The following GPR39 variants were observed in gnomAD, a reference collection of about 807,000 sequenced individuals.
GPR39 encodes the protein G protein-coupled receptor 39.
GPR39 carries 23 observed loss-of-function variants against 18.4 expected under a neutral mutation model. The observed-to-expected ratio is 1.25, with a 90% CI of 0.90 to 1.77. The LOEUF is 1.77. Ranked by LOEUF, GPR39 falls within the 40% of genes most tolerant of loss-of-function variation. GPR39 has a pLI of 0.00. For missense variants in GPR39, 647 were observed against 602.4 expected (o/e 1.07, Z -0.78); for synonymous variants, 280 against 257.9 (o/e 1.09, Z -0.82).
chr2:132,558,584 T>C (rs576800757), intron 1 of GPR39, among the ~76,000 whole-genome samples: 2 of 152,286 alleles, frequency 1.3e-5, no homozygotes, highest in East Asian at 1.9e-4. Context: ...AGTGGTAGCA[T>C]TTCTGGAAAT....
chr2:132,634,929 A>G (rs1443818648), intron 1 of GPR39, among the ~76,000 whole-genome samples: 1 of 152,180 alleles, frequency 6.6e-6, no homozygotes, highest in Admixed American at 6.5e-5. Flanking sequence ...TAGTGTAGAG[A>G]ACTCAGGGTT....
intron 1 of GPR39, among the ~76,000 whole-genome samples, chr2:132,590,810 G>A (rs971471378): frequency 7.3e-6 from 1 of 137,102 alleles, no homozygotes; most frequent in African/African-American, 2.9e-5. Flanking sequence ...AGGATGCAAA[G>A]TATTGTTCGT....
intron 1 of GPR39, among the ~76,000 whole-genome samples, chr2:132,621,897 C>T (rs528192091): frequency 6.6e-6 from 1 of 152,296 alleles, no homozygotes; most frequent in Admixed American, 6.5e-5. Flanking sequence ...TTTCCAGCAG[C>T]TTCCATAGGG....
intron 1 of GPR39, among the ~76,000 whole-genome samples, chr2:132,608,553 C>G (rs1207414626): frequency 6.6e-6 from 1 of 152,158 alleles, no homozygotes; most frequent in Admixed American, 6.6e-5. Flanking sequence ...GCTGAGTGGC[C>G]GTGTCACAGG....
At chr2:132,448,195 C>T (rs2104769055) in intron 1 of GPR39, among the ~76,000 whole-genome samples, 2 of 152,194 alleles carry the variant, frequency 1.3e-5, no homozygotes, top group South Asian at 4.1e-4. Context: ...CTATAATGAA[C>T]AGTCAAATTA....
At chr2:132,615,933 G>C (rs1238926788) in intron 1 of GPR39, among the ~76,000 whole-genome samples, 1 of 114,360 alleles carries the variant, frequency 8.7e-6, no homozygotes, top group Admixed American at 9.4e-5. Context: ...CCCCATTCCA[G>C]CTCTTTTTTT....
intron 1 of GPR39, among the ~76,000 whole-genome samples, chr2:132,496,551 G>A (rs1049706863): frequency 6.7e-6 from 1 of 149,604 alleles, no homozygotes; most frequent in South Asian, 2.1e-4. Context: ...AAGTGTAGAT[G>A]TCATCTGGAG....
rs557488106 is a variant in GPR39 at position 132,528,723 on chromosome 2, T to C, written c.856+110825T>C. 8.5e-4 allele frequency among the ~76,000 whole-genome samples: 130 copies of C among 152,354 alleles called. 1 individual carries two copies. The highest frequency in any genetic ancestry group is 2.5e-3 in the Admixed American group (39 of 15,300). ...TGTGAATCAGAGGTCATTCATGATT[T>C]GGTTCTCTACTTGTCTATTGTTGGT... On this transcript the variant is annotated intron_variant, in intron 1 of 1. Transcript: ENST00000329321.
intron 1 of GPR39, among the ~76,000 whole-genome samples, chr2:132,532,427 G>C (rs12611819): frequency 0.29 from 43,339 of 151,898 alleles, 6,946 homozygotes; most frequent in East Asian, 0.7. Context: ...CAAGGAGGAA[G>C]TGGTACCATT....
intron 1 of GPR39, among the ~76,000 whole-genome samples, chr2:132,441,414 A>T (rs985740023): frequency 1.3e-5 from 2 of 151,188 alleles, no homozygotes; most frequent in Non-Finnish European, 2.9e-5. Context: ...GTTGTTGCAG[A>T]TAGCAAATGT....
At chr2:132,582,008 A>C (rs1256287127) in intron 1 of GPR39, among the ~76,000 whole-genome samples, 1 of 152,050 alleles carries the variant, frequency 6.6e-6, no homozygotes, top group Non-Finnish European at 1.5e-5. Context: ...CAAAGTGCTG[A>C]TTGGCAGTCC....
At chr2:132,442,347 C>T (rs1382840905) in intron 1 of GPR39, among the ~76,000 whole-genome samples, 2 of 152,162 alleles carry the variant, frequency 1.3e-5, no homozygotes, top group African/African-American at 4.8e-5. Flanking sequence ...AATTTGCTGC[C>T]TGCCTTAGAG....
chr2:132,615,686 A>G (rs1219083196), intron 1 of GPR39, among the ~76,000 whole-genome samples: 3 of 152,222 alleles, frequency 2.0e-5, no homozygotes, highest in Non-Finnish European at 4.4e-5. Flanking sequence ...AAGAGGGATT[A>G]GTTGCTTGCT....
intron 1 of GPR39, 73 bp downstream of exon 1, chr2:132,417,971 G>GC: frequency 6.6e-7 from 1 of 1,504,568 alleles, no homozygotes; most frequent in Non-Finnish European, 8.8e-7. Context: ...ACTGCCTGTG[G>GC]CCCTCTCCAG....
chr2:132,612,455 G>A (rs1028223123), intron 1 of GPR39, among the ~76,000 whole-genome samples: 13 of 152,264 alleles, frequency 8.5e-5, no homozygotes, highest in African/African-American at 3.1e-4. Flanking sequence ...CACGTTCTAT[G>A]CTTTTTTTCT....
intron 1 of GPR39, among the ~76,000 whole-genome samples, chr2:132,641,870 A>G (rs1681862256): frequency 6.6e-6 from 1 of 152,250 alleles, no homozygotes; most frequent in Non-Finnish European, 1.5e-5. Context: ...TTTCAAACTG[A>G]AAGTATGAAT....
At chr2:132,627,491 C>T (rs1016099328) in intron 1 of GPR39, among the ~76,000 whole-genome samples, 5 of 152,178 alleles carry the variant, frequency 3.3e-5, no homozygotes, top group East Asian at 1.9e-4. Context: ...GTCAATATGC[C>T]GAGTAATGAT....
chr2:132,605,005 T>C (rs906426154), intron 1 of GPR39: 5 of 152,364 alleles, frequency 3.3e-5, no homozygotes, highest in Non-Finnish European at 7.3e-5. Context: ...ATTCATTTAC[T>C]CTTTATAAGA....
chr2:132,571,945 A>G (rs1169484061), intron 1 of GPR39, among the ~76,000 whole-genome samples: 1 of 152,154 alleles, frequency 6.6e-6, no homozygotes, highest in Non-Finnish European at 1.5e-5. Context: ...AGTCTTGAGG[A>G]ATGGGCTCAG....
Sources: allele counts gnomAD v4.1 joint callset (sites outside exome capture counted in the v4.1 genomes callset), GRCh38; gene constraint gnomAD v4.1.1; transcripts MANE v1.5; gene names NCBI Gene and HGNC (gene_info 2026-07-23, HGNC 2026-07-21).